The following PRKD1 variants were observed in gnomAD, a reference collection of about 807,000 sequenced individuals.
PRKD1 encodes the protein protein kinase D1, also known as serine/threonine-protein kinase D1.
A neutral mutation model predicts 95.9 loss-of-function variants in PRKD1; 63 were observed. The ratio of observed to expected loss-of-function variants is 0.66; its 90% CI spans 0.54 to 0.81. The LOEUF is 0.81. Among genes scored for constraint, PRKD1 ranks in the 30% least tolerant of loss-of-function variants. The probability of loss-of-function intolerance (pLI) is 0.00; values close to 1 mark genes in which losing one functional copy is unlikely to be tolerated. For synonymous variants in PRKD1, 425 were observed against 423.1 expected (o/e 1.00, Z -0.05); for missense variants, 1,048 against 1,165.3 (o/e 0.90, Z 1.47).
chr14:29,761,579 G>A (rs1233933785), intron 1 of PRKD1, among the ~76,000 whole-genome samples: 9 of 152,144 alleles, frequency 5.9e-5, no homozygotes, highest in Admixed American at 5.2e-4. Flanking sequence ...CATGCCTGAT[G>A]TTATTATTAT....
intron 2 of PRKD1, among the ~76,000 whole-genome samples, chr14:29,706,288 T>C (rs1312629598): frequency 6.6e-6 from 1 of 152,156 alleles, no homozygotes; most frequent in East Asian, 1.9e-4. Context: ...TTTATAAAAT[T>C]GGTTTCCCCA....
At chr14:29,818,648 T>C (rs1375084782) in intron 1 of PRKD1, among the ~76,000 whole-genome samples, 3 of 151,256 alleles carry the variant, frequency 2.0e-5, no homozygotes, top group South Asian at 2.1e-4. Flanking sequence ...TCACCTATGC[T>C]CCAGTACAAC....
At chr14:29,786,765 CTTTG>C (rs1889292621) in intron 1 of PRKD1, among the ~76,000 whole-genome samples, 3 of 151,572 alleles carry the variant, frequency 2.0e-5, no homozygotes, top group Admixed American at 1.3e-4. Context: ...ATTTATTGAT[CTTTG>C]TTTATCTTTT....
chr14:29,836,252 T>C (rs908234843), intron 1 of PRKD1, among the ~76,000 whole-genome samples: 2 of 152,216 alleles, frequency 1.3e-5, no homozygotes, highest in Non-Finnish European at 1.5e-5. Context: ...AGACTGAGGT[T>C]CTGGTATTCT....
At chr14:29,772,489 G>A (rs1888555158) in intron 1 of PRKD1, among the ~76,000 whole-genome samples, 1 of 152,076 alleles carries the variant, frequency 6.6e-6, no homozygotes, top group African/African-American at 2.4e-5. Context: ...AAGGTATTTT[G>A]TTATAGCCGC....
intron 1 of PRKD1, among the ~76,000 whole-genome samples, chr14:29,876,286 A>C (rs530400362): frequency 6.6e-6 from 1 of 152,314 alleles, no homozygotes; most frequent in African/African-American, 2.4e-5. Context: ...TCATTTTTGG[A>C]AAGGCAAAAC....
chr14:29,916,550 T>C (rs940653073), intron 1 of PRKD1, among the ~76,000 whole-genome samples: 2 of 152,228 alleles, frequency 1.3e-5, no homozygotes, highest in Non-Finnish European at 2.9e-5. Context: ...GCTACGGCTG[T>C]TTGGTCAAGT....
chr14:29,797,106 A>G (rs1254724174), intron 1 of PRKD1, among the ~76,000 whole-genome samples: 1 of 152,222 alleles, frequency 6.6e-6, no homozygotes, highest in African/African-American at 2.4e-5. Flanking sequence ...ACCCTCCATT[A>G]GACCAGACCT....
intron 1 of PRKD1, among the ~76,000 whole-genome samples, chr14:29,838,539 GCA>G (rs1891699086): frequency 6.6e-6 from 1 of 152,014 alleles, no homozygotes; most frequent in African/African-American, 2.4e-5. Flanking sequence ...GCTTTTAATT[GCA>G]CAGTGATCAA....
chr14:29,700,014 G>C (rs1287558248), intron 2 of PRKD1, among the ~76,000 whole-genome samples: 3 of 151,682 alleles, frequency 2.0e-5, no homozygotes. Context: ...AGAAAGAAAG[G>C]TATAGTAAGC....
At chr14:29,786,745 G>A (rs540584912) in intron 1 of PRKD1, among the ~76,000 whole-genome samples, 1 of 151,818 alleles carries the variant, frequency 6.6e-6, no homozygotes, top group Non-Finnish European at 1.5e-5. Flanking sequence ...CACGGTTAGC[G>A]TAACTAGTGA....
chr14:29,810,124 T>A (rs1376953245), intron 1 of PRKD1, among the ~76,000 whole-genome samples: 8 of 152,198 alleles, frequency 5.3e-5, no homozygotes. Context: ...ATTTTTGGTA[T>A]ATCAAAACAA....
chr14:29,728,843 T>A (rs189381950), intron 1 of PRKD1, among the ~76,000 whole-genome samples: 3 of 152,282 alleles, frequency 2.0e-5, no homozygotes, highest in Admixed American at 1.3e-4. Context: ...GAGCTGTATG[T>A]CTATCCTTAA....
chr14:29,825,936 C>T (rs572695606), intron 1 of PRKD1, among the ~76,000 whole-genome samples: 1 of 151,900 alleles, frequency 6.6e-6, no homozygotes, highest in African/African-American at 2.4e-5. Context: ...ACCAAGGCTT[C>T]TTGAGAGTAC....
chr14:29,871,509 T>G (rs191254821), intron 1 of PRKD1, among the ~76,000 whole-genome samples: 1 of 152,328 alleles, frequency 6.6e-6, no homozygotes. Context: ...CCATTTAATA[T>G]GTGACCTCGA....
Position 29,638,679 on chromosome 14 carries a change from C to G in PRKD1, c.907+15G>C, listed in dbSNP as rs951377539. On this transcript the variant is annotated intron_variant, in intron 5 of 17. Coordinates refer to ENST00000331968, the MANE Select transcript of PRKD1 (RefSeq NM_002742.3). ...AGGGTGATCAAAGTTCGACAGGTGA[C>G]AAAATCATCCTTACCTTTGCACTGC... is the stretch of plus-strand genomic sequence containing the variant. 4.3e-6 allele frequency: 7 copies of G among 1,613,436 alleles called. No individual in the cohort carries two copies. The highest frequency in any genetic ancestry group is 5.9e-6 in the Non-Finnish European group (7 of 1,179,412).
intron 1 of PRKD1, among the ~76,000 whole-genome samples, chr14:29,854,014 G>A (rs779583793): frequency 6.6e-6 from 1 of 152,112 alleles, no homozygotes; most frequent in Non-Finnish European, 1.5e-5. Context: ...TTTGTAAATT[G>A]CCCAGTCTCG....
At chr14:29,866,879 A>C (rs1200719352) in intron 1 of PRKD1, among the ~76,000 whole-genome samples, 1 of 152,170 alleles carries the variant, frequency 6.6e-6, no homozygotes, top group Non-Finnish European at 1.5e-5. Context: ...GGAGCACTTG[A>C]AGGCATGAAC....
chr14:29,733,273 T>G (rs1196948349), intron 1 of PRKD1, among the ~76,000 whole-genome samples: 1 of 151,866 alleles, frequency 6.6e-6, no homozygotes, highest in Non-Finnish European at 1.5e-5. Flanking sequence ...TGGCTAATTT[T>G]TTGTATTTTT....
Sources: allele counts gnomAD v4.1 joint callset (sites outside exome capture counted in the v4.1 genomes callset), GRCh38; gene constraint gnomAD v4.1.1; transcripts MANE v1.5; gene names NCBI Gene and HGNC (gene_info 2026-07-23, HGNC 2026-07-21).